The following REC114 variants were observed in gnomAD, a reference collection of about 807,000 sequenced individuals.
REC114 encodes the protein REC114 meiotic recombination protein, also known as meiotic recombination protein REC114.
A neutral mutation model predicts 31.3 loss-of-function variants in REC114; 27 were observed. That is an observed-to-expected ratio of 0.86 (90% CI 0.64 to 1.19). The LOEUF (loss-of-function observed/expected upper bound fraction) is 1.19, where lower values mean the gene tolerates loss of function less well. REC114 is among the 50% of genes most tolerant of loss of function. The pLI is 0.00. For missense variants in REC114, 344 were observed against 326.9 expected (o/e 1.05, Z -0.40); for synonymous variants, 134 against 127.7 (o/e 1.05, Z -0.33).
intron 1 of REC114, among the ~76,000 whole-genome samples, chr15:73,450,215 C>T (rs1395406339): frequency 2.6e-5 from 4 of 151,962 alleles, no homozygotes; most frequent in Non-Finnish European, 5.9e-5. Context: ...GAGTCAAGAC[C>T]CATCAGTGTG....
At position 73,556,369 on chromosome 15, in the gene REC114, CCTCA is replaced by C; in HGVS notation, c.617_620del (p.Ser206Ter). On this transcript the variant is annotated frameshift_variant, in exon 5 of 6. Transcript: ENST00000331090. LOFTEE classifies it high-confidence loss of function. ...GGCACAGGCGCTCCAGACGGAAGGA[CCTCA>C]CTGACGCAGTTAGCTCAGGTAGAGC... 1 of 1,613,714 alleles carries C rather than the reference CCTCA, an allele frequency of 6.2e-7. No homozygotes were observed.
intron 2 of REC114, among the ~76,000 whole-genome samples, chr15:73,505,784 G>A (rs1185319097): frequency 2.0e-5 from 3 of 152,084 alleles, no homozygotes; most frequent in Non-Finnish European, 2.9e-5. Flanking sequence ...CGCCTGCCTC[G>A]GCCTCCCAAA....
intron 2 of REC114, among the ~76,000 whole-genome samples, chr15:73,530,700 C>T (rs1370782317): frequency 6.6e-6 from 1 of 152,068 alleles, no homozygotes; most frequent in Non-Finnish European, 1.5e-5. Context: ...TTTGTTTTCC[C>T]TCTTCACATC....
At chr15:73,468,703 C>T (rs1246150941) in intron 1 of REC114, among the ~76,000 whole-genome samples, 1 of 148,642 alleles carries the variant, frequency 6.7e-6, no homozygotes, top group Non-Finnish European at 1.5e-5. Flanking sequence ...TTAATAGATG[C>T]CCTTTATCAG....
At chr15:73,543,805 A>C (rs541993698) in intron 3 of REC114, among the ~76,000 whole-genome samples, 5 of 151,858 alleles carry the variant, frequency 3.3e-5, no homozygotes, top group Non-Finnish European at 7.4e-5. Context: ...TATATTTTTT[A>C]TTACTTTCCC....
At chr15:73,550,025 C>T (rs1463823387) in intron 3 of REC114, among the ~76,000 whole-genome samples, 1 of 152,138 alleles carries the variant, frequency 6.6e-6, no homozygotes, top group African/African-American at 2.4e-5. Context: ...ATATATATTT[C>T]ATGAGGGAAA....
rs907638411 is a variant in REC114 at position 73,508,578 on chromosome 15, A to G, written c.250-31907A>G. Among the ~76,000 whole-genome samples, 107 of 140,064 alleles carry G rather than the reference A, an allele frequency of 7.6e-4. No individual in the cohort carries two copies. In the East Asian group the frequency reaches 8.3e-3, roughly 11 times the overall value. The allele number at this position is 140,064 out of a possible 152,430, so 91.9% of individuals were successfully genotyped here. A position where few individuals can be genotyped will look rare whatever the true frequency, so the allele number is the denominator to read the frequency against. On this transcript the variant is annotated intron_variant, in intron 2 of 5. Coordinates refer to ENST00000331090, the MANE Select transcript of REC114 (RefSeq NM_001042367.2). ...CATCTAGCATTAGGTATATCTCCCA[A>G]TGCTATCCCTCCCCCCTCCCCCCAC... is the stretch of plus-strand genomic sequence containing the variant.
intron 4 of REC114, among the ~76,000 whole-genome samples, chr15:73,551,385 G>A (rs1046083661): frequency 3.3e-5 from 5 of 152,158 alleles, no homozygotes; most frequent in Admixed American, 6.6e-5. Flanking sequence ...GGTTCTCAAA[G>A]TGTGGTCCAC....
In REC114 at chr15:73,509,402, T is replaced by C. The variant is rs1205022867; in HGVS notation, c.250-31083T>C. Among the ~76,000 whole-genome samples, 4 of 150,908 alleles carry C rather than the reference T, an allele frequency of 2.7e-5. No homozygotes were observed. The East Asian group carries it at 5.8e-4, about 22-fold the overall frequency. On this transcript the variant is annotated intron_variant, in intron 2 of 5. Coordinates refer to ENST00000331090, the MANE Select transcript of REC114 (RefSeq NM_001042367.2). ...CCCATTTTGTAGGTTGCCTGTTCACTCTGATGGTAGTTTCTTTTGCTGTGC... is the reference window on the plus strand; with the variant it reads ...CCCATTTTGTAGGTTGCCTGTTCACCCTGATGGTAGTTTCTTTTGCTGTGC...
chr15:73,556,445 A>T, intron 5 of REC114, 54 bp downstream of exon 5: 1 of 1,426,874 alleles, frequency 7.0e-7, no homozygotes, highest in Non-Finnish European at 9.8e-7. Context: ...GTGACCCCTA[A>T]GAATTTGTAT....
At position 73,475,255 on chromosome 15, in the gene REC114, G is replaced by T. The variant is rs577592343; in HGVS notation, c.249+1334G>T. On this transcript the variant is annotated intron_variant, in intron 2 of 5. Coordinates refer to ENST00000331090, the MANE Select transcript of REC114 (RefSeq NM_001042367.2). ...TTGTATCACACATAGAATGATTTTT[G>T]CACTGTAGTCACAAAACCAAGTTAT... Among the ~76,000 whole-genome samples, 6 of 152,184 alleles carry T rather than the reference G, an allele frequency of 3.9e-5. No homozygotes were observed. In the East Asian group the frequency reaches 9.7e-4, roughly 24 times the overall value.
At chr15:73,525,891 T>C (rs1894000140) in intron 2 of REC114, among the ~76,000 whole-genome samples, 1 of 152,220 alleles carries the variant, frequency 6.6e-6, no homozygotes, top group Non-Finnish European at 1.5e-5. Context: ...CCTAATGTTA[T>C]TCAGTCTACA....
At chr15:73,466,156 T>C (rs1450818441) in intron 1 of REC114, among the ~76,000 whole-genome samples, 1 of 151,474 alleles carries the variant, frequency 6.6e-6, no homozygotes, top group Admixed American at 6.6e-5. Context: ...CGGCCACCAA[T>C]TGTTTTTATA....
At chr15:73,486,324 C>T (rs1388673120) in intron 2 of REC114, among the ~76,000 whole-genome samples, 1 of 152,096 alleles carries the variant, frequency 6.6e-6, no homozygotes, top group African/African-American at 2.4e-5. Context: ...TCTCGAGCTC[C>T]TGACCGCGTG....
chr15:73,450,630 T>C (rs1045764015), intron 1 of REC114, among the ~76,000 whole-genome samples: 1 of 152,114 alleles, frequency 6.6e-6, no homozygotes, highest in Non-Finnish European at 1.5e-5. Flanking sequence ...CTGGACCAAG[T>C]GAACCTAATA....
chr15:73,529,474 T>C (rs1184549328), intron 2 of REC114, among the ~76,000 whole-genome samples: 1 of 152,096 alleles, frequency 6.6e-6, no homozygotes, highest in African/African-American at 2.4e-5. Flanking sequence ...CTGAAATATA[T>C]ACAGATACTT....
chr15:73,519,424 T>C (rs1197328051), intron 2 of REC114, among the ~76,000 whole-genome samples: 2 of 152,212 alleles, frequency 1.3e-5, no homozygotes, highest in African/African-American at 4.8e-5. Flanking sequence ...AAATTTCCAC[T>C]GTTCATAAAC....
chr15:73,485,240 C>G lies in REC114; in HGVS notation c.249+11319C>G, dbSNP rs191438449. 3.5e-3 allele frequency among the ~76,000 whole-genome samples: 528 copies of G among 152,156 alleles called. 1 individual carries two copies. Among genetic ancestry groups the G allele is most frequent in the Non-Finnish European group, 6.4e-3 (434 of 68,004 alleles). On this transcript the variant is annotated intron_variant, in intron 2 of 5. Coordinates refer to ENST00000331090, the MANE Select transcript of REC114 (RefSeq NM_001042367.2). ...CTGGGACTACAGGTGTGCGCCACTA[C>G]GCCCAGCTAAGTTTTGTATTTTTAG... is the stretch of plus-strand genomic sequence containing the variant.
chr15:73,477,506 T>G (rs1276134225), intron 2 of REC114, among the ~76,000 whole-genome samples: 1 of 152,158 alleles, frequency 6.6e-6, no homozygotes. Flanking sequence ...AGCCTTGACC[T>G]CCCAGGCTCA....
Sources: allele counts gnomAD v4.1 joint callset (sites outside exome capture counted in the v4.1 genomes callset), GRCh38; gene constraint gnomAD v4.1.1; transcripts MANE v1.5; gene names NCBI Gene and HGNC (gene_info 2026-07-23, HGNC 2026-07-21).